Variants in KCTD16 observed in about 807,000 individuals in gnomAD.
KCTD16 encodes the protein potassium channel tetramerization domain containing 16.
A neutral mutation model predicts 33.2 loss-of-function variants in KCTD16; 13 were observed. The observed-to-expected ratio is 0.39, with a 90% CI of 0.25 to 0.62. The LOEUF (loss-of-function observed/expected upper bound fraction) is 0.62, where lower values mean the gene tolerates loss of function less well. Among genes scored for constraint, KCTD16 ranks in the 20% least tolerant of loss-of-function variants. The probability of loss-of-function intolerance (pLI) is 0.50; values close to 1 mark genes in which losing one functional copy is unlikely to be tolerated. For missense variants in KCTD16, 441 were observed against 525.1 expected, an observed-to-expected ratio of 0.84 and a Z score of 1.57; for synonymous variants, 197 against 195.3, an observed-to-expected ratio of 1.01 and a Z score of -0.07.
chr5:144,309,719 C>T (rs920322914), intron 3 of KCTD16, among the ~76,000 whole-genome samples: 1 of 152,156 alleles, frequency 6.6e-6, no homozygotes, highest in African/African-American at 2.4e-5. Flanking sequence ...AAATAACTCA[C>T]ACACTGGTCC....
chr5:144,392,107 G>A (rs1752462542), intron 3 of KCTD16, among the ~76,000 whole-genome samples: 5 of 152,190 alleles, frequency 3.3e-5, no homozygotes, highest in Admixed American at 3.3e-4. Flanking sequence ...TATAATAGTT[G>A]CCATGAAGGA....
At chr5:144,335,777 C>A (rs560268168) in intron 3 of KCTD16, among the ~76,000 whole-genome samples, 6 of 152,046 alleles carry the variant, frequency 3.9e-5, no homozygotes, top group Admixed American at 1.3e-4. Flanking sequence ...GAGGAACAGT[C>A]CATGGCAGGT....
rs527433783 is a variant in KCTD16 at position 144,479,846 on chromosome 5, T to C, written c.*5732T>C. 1 of 151,994 alleles carries C rather than the reference T, an allele frequency of 6.6e-6. No homozygotes were observed. The highest frequency in any genetic ancestry group is 1.5e-5 in the Non-Finnish European group (1 of 67,958). 9.4% of individuals were successfully genotyped at this position (151,994 alleles called of 1,614,324 possible). ...TTAAAAGGATAAAGAAAAATGTGCCTGGCCTAGCAACTATCAAGGGCTTGT... is the reference window on the plus strand; with the variant it reads ...TTAAAAGGATAAAGAAAAATGTGCCCGGCCTAGCAACTATCAAGGGCTTGT... On this transcript the variant is annotated 3_prime_UTR_variant, in exon 4 of 4. Transcript: ENST00000512467.
chr5:144,177,889 C>T lies in KCTD16; in HGVS notation c.-327+3417C>T, dbSNP rs184225848. 2.3e-3 allele frequency among the ~76,000 whole-genome samples: 356 copies of T among 152,318 alleles called. 1 individual carries two copies. The highest frequency in any genetic ancestry group is 7.7e-3 in the Admixed American group (118 of 15,308). On this transcript the variant is annotated intron_variant, in intron 2 of 3. Transcript: ENST00000512467. ...AATATAGACTAAGTCTTTTGCTACA[C>T]ACATGCTCGAAAGAACAATAATCTG...
chr5:144,426,363 C>T (rs569363861), intron 3 of KCTD16, among the ~76,000 whole-genome samples: 6 of 152,226 alleles, frequency 3.9e-5, no homozygotes, highest in African/African-American at 1.2e-4. Context: ...TAAGTAATCT[C>T]TAAAAAGATT....
chr5:144,372,695 G>A (rs1751995956), intron 3 of KCTD16, among the ~76,000 whole-genome samples: 1 of 152,184 alleles, frequency 6.6e-6, no homozygotes, highest in African/African-American at 2.4e-5. Flanking sequence ...ATGTCTAAAG[G>A]CTTGGTGATG....
chr5:144,315,063 T>C (rs1751869140), intron 3 of KCTD16, among the ~76,000 whole-genome samples: 1 of 152,208 alleles, frequency 6.6e-6, no homozygotes, highest in Non-Finnish European at 1.5e-5. Context: ...GTTCTGCACT[T>C]TGGGCTGTCT....
intron 3 of KCTD16, among the ~76,000 whole-genome samples, chr5:144,394,330 A>AAG (rs1296323161): frequency 2.2e-4 from 34 of 152,284 alleles, no homozygotes; most frequent in Non-Finnish European, 4.0e-4. Flanking sequence ...GATGGAAAGT[A>AAG]CCTTCATGTC....
intron 3 of KCTD16, among the ~76,000 whole-genome samples, chr5:144,374,199 C>A (rs903870729): frequency 2.6e-5 from 4 of 152,100 alleles, no homozygotes; most frequent in Non-Finnish European, 4.4e-5. Flanking sequence ...CGGCCTATCA[C>A]CTGACAAATA....
chr5:144,451,268 AG>A (rs1219109782), intron 3 of KCTD16, among the ~76,000 whole-genome samples: 6 of 152,122 alleles, frequency 3.9e-5, no homozygotes, highest in Non-Finnish European at 8.8e-5. Flanking sequence ...TTTTTTAAAA[AG>A]TGGAGTAGTC....
At position 144,223,272 on chromosome 5, in the gene KCTD16, C is replaced by T. The variant is rs139438294; in HGVS notation, c.832+15726C>T. Among the ~76,000 whole-genome samples, 340 of 151,848 alleles carry T rather than the reference C, an allele frequency of 2.2e-3. 9 individuals are homozygous for T. The East Asian group carries it at 0.057, about 25-fold the overall frequency. On this transcript the variant is annotated intron_variant, in intron 3 of 3. Transcript: ENST00000512467. The stretch of plus-strand genomic sequence containing the variant: ...CAAACCTGCACATTGTGCACACGTA[C>T]CCTAGAACTTAAAGTATAATAAAAA...
At chr5:144,390,779 C>T (rs897041042) in intron 3 of KCTD16, among the ~76,000 whole-genome samples, 7 of 151,764 alleles carry the variant, frequency 4.6e-5, no homozygotes, top group Admixed American at 6.6e-5. Context: ...ATGGGGTGTT[C>T]GGTTTTCTGT....
At chr5:144,414,327 G>C (rs1488640374) in intron 3 of KCTD16, among the ~76,000 whole-genome samples, 1 of 152,114 alleles carries the variant, frequency 6.6e-6, no homozygotes, top group Non-Finnish European at 1.5e-5. Context: ...AACCCAAACA[G>C]GTTGTCATGG....
At chr5:144,467,928 G>A (rs964683006) in intron 3 of KCTD16, among the ~76,000 whole-genome samples, 5 of 152,150 alleles carry the variant, frequency 3.3e-5, no homozygotes, top group African/African-American at 1.2e-4. Flanking sequence ...CCTTTGCCCA[G>A]CTGGCTTTCT....
chr5:144,201,978 A>G (rs879269327), intron 2 of KCTD16, among the ~76,000 whole-genome samples: 1 of 152,248 alleles, frequency 6.6e-6, no homozygotes, highest in Non-Finnish European at 1.5e-5. Context: ...CAAAATTAAA[A>G]TAGTCCTTTT....
At chr5:144,379,306 T>C (rs1752159745) in intron 3 of KCTD16, among the ~76,000 whole-genome samples, 1 of 152,116 alleles carries the variant, frequency 6.6e-6, no homozygotes, top group Non-Finnish European at 1.5e-5. Context: ...TGGGTTAGAC[T>C]TTGGATAAAG....
intron 3 of KCTD16, among the ~76,000 whole-genome samples, chr5:144,258,568 A>G (rs902401633): frequency 6.6e-6 from 1 of 152,232 alleles, no homozygotes; most frequent in African/African-American, 2.4e-5. Context: ...TACAGTTGCA[A>G]TGGAATTTAA....
At chr5:144,266,146 T>C (rs941893194) in intron 3 of KCTD16, among the ~76,000 whole-genome samples, 1 of 152,164 alleles carries the variant, frequency 6.6e-6, no homozygotes. Flanking sequence ...AATAATACTT[T>C]TAGGCTATGG....
In KCTD16 at chr5:144,479,145, C is replaced by G. The variant is rs1176960498; in HGVS notation, c.*5031C>G. 6.6e-6 allele frequency: 1 copy of G among 151,428 alleles called. No individual in the cohort carries two copies. The highest frequency in any genetic ancestry group is 1.5e-5 in the Non-Finnish European group (1 of 67,812). The allele number at this position is 151,428 out of a possible 1,614,324, so 9.4% of individuals were successfully genotyped here. On this transcript the variant is annotated 3_prime_UTR_variant, in exon 4 of 4. Coordinates refer to ENST00000512467, the MANE Select transcript of KCTD16 (RefSeq NM_020768.4). ...CCATAATTTAATGGTGTATATGGCCCCAAAGGTGATTCCATTAACTGCACA... is the reference window on the plus strand; with the variant it reads ...CCATAATTTAATGGTGTATATGGCCGCAAAGGTGATTCCATTAACTGCACA...
Sources: allele counts gnomAD v4.1 joint callset (sites outside exome capture counted in the v4.1 genomes callset), GRCh38; gene constraint gnomAD v4.1.1; transcripts MANE v1.5; gene names NCBI Gene and HGNC (gene_info 2026-07-23, HGNC 2026-07-21).